Variants in PXDN observed in about 807,000 individuals in gnomAD.
The protein encoded by PXDN is peroxidasin homolog.
Under a neutral mutation model 140.3 loss-of-function variants are expected in PXDN, and 77 were observed. The observed-to-expected ratio is 0.55, with a 90% confidence interval of 0.46 to 0.66. PXDN has a LOEUF of 0.66. Ranked by LOEUF, PXDN falls within the 30% of genes least tolerant of loss-of-function variation. The probability of loss-of-function intolerance (pLI) is 0.00; values close to 1 mark genes in which losing one functional copy is unlikely to be tolerated. For synonymous variants in PXDN, 911 were observed against 857.4 expected, an observed-to-expected ratio of 1.06 and a Z score of -1.09; for missense variants, 1,838 against 2,039.5, an observed-to-expected ratio of 0.90 and a Z score of 1.90.
At position 1,651,499 on chromosome 2, in the gene PXDN, C is replaced by G. The variant is rs994358352; in HGVS notation, c.2105-1824G>C. 2.0e-5 allele frequency among the ~76,000 whole-genome samples: 3 copies of G among 152,246 alleles called. No individual in the cohort carries two copies. Among genetic ancestry groups the G allele is most frequent in the African/African-American group, 7.2e-5 (3 of 41,462 alleles). On this transcript the variant is annotated intron_variant, in intron 16 of 22. Transcript: ENST00000252804. The surrounding 1 kb of genome is among the most constrained non-coding windows in gnomAD (Gnocchi z 4.4). Reference sequence around the variant, plus strand: ...AACCCTAAGGTTCCCATTTCATACACAGCCAACGACATATCCTTATATTCG... The same window carrying G: ...AACCCTAAGGTTCCCATTTCATACAGAGCCAACGACATATCCTTATATTCG...
intron 1 of PXDN, among the ~76,000 whole-genome samples, chr2:1,742,841 G>A (rs1322775856): frequency 6.6e-6 from 1 of 152,216 alleles, no homozygotes; most frequent in Non-Finnish European, 1.5e-5. Context: ...GGGCCTCCAG[G>A]AAGCAGCCTG....
intron 1 of PXDN, among the ~76,000 whole-genome samples, chr2:1,743,637 G>A (rs1459390140): frequency 1.4e-5 from 2 of 140,986 alleles, no homozygotes; most frequent in Non-Finnish European, 3.1e-5. Flanking sequence ...GCTGGGGGAG[G>A]AGAAGGAAGG....
chr2:1,696,166 G>C (rs975369991), intron 1 of PXDN, among the ~76,000 whole-genome samples: 5 of 152,238 alleles, frequency 3.3e-5, no homozygotes, highest in African/African-American at 9.7e-5. Flanking sequence ...ACATGTACAA[G>C]TTTGGCATGC....
Position 1,680,308 on chromosome 2 carries a change from A to C in PXDN, c.615T>G (p.Asp205Glu). The stretch of plus-strand genomic sequence containing the variant: ...CCGACTCCGCGTAGGTTTTCAGCAA[A>C]TCCGCCAACCACAGGATTTCACAGT... ...HCDCEILWLA[D>E]LLKTYAESGN... is the part of the protein sequence containing the mutation. The change falls in exon 7 of 23, where the codon GAT becomes GAG. Residue 205 changes from aspartate to glutamate, a missense_variant. Asp to Glu is a conservative substitution (Grantham distance 45). Transcript: ENST00000252804. 1 of 1,614,034 alleles carries C rather than the reference A, an allele frequency of 6.2e-7. No homozygotes were observed. The highest frequency in any genetic ancestry group is 8.5e-7 in the Non-Finnish European group (1 of 1,179,900).
At chr2:1,740,141 G>A (rs187486368) in intron 1 of PXDN, among the ~76,000 whole-genome samples, 69 of 152,324 alleles carry the variant, frequency 4.5e-4, no homozygotes, top group African/African-American at 1.6e-3. Context: ...GGAACTTCCC[G>A]GGAGCAGGAG....
intron 1 of PXDN, among the ~76,000 whole-genome samples, chr2:1,737,131 C>T (rs1041797746): frequency 2.6e-5 from 4 of 152,170 alleles, no homozygotes; most frequent in East Asian, 1.9e-4. Context: ...CTGCTTTCCA[C>T]GGGCAGATGA....
intron 14 of PXDN, among the ~76,000 whole-genome samples, chr2:1,657,136 C>T (rs1683160274): frequency 6.7e-6 from 1 of 149,126 alleles, no homozygotes; most frequent in Non-Finnish European, 1.5e-5. Context: ...CAACTTACCC[C>T]TCCTGACTGG....
intron 6 of PXDN, among the ~76,000 whole-genome samples, chr2:1,680,653 G>A (rs1344615524): frequency 2.0e-5 from 3 of 152,204 alleles, no homozygotes; most frequent in Non-Finnish European, 4.4e-5. Flanking sequence ...CAGGCATCGG[G>A]TGTCGAGCTC....
At position 1,665,704 on chromosome 2, in the gene PXDN, C is replaced by T. The variant is rs115156245; in HGVS notation, c.1291+510G>A. The stretch of plus-strand genomic sequence containing the variant: ...TCTAATAATTTATCTTTTGCACTTC[C>T]GTATTGTTTGAATGTTTTCCAACAA... On this transcript the variant is annotated intron_variant, in intron 10 of 22. Transcript: ENST00000252804. 9.4e-3 allele frequency among the ~76,000 whole-genome samples: 1,427 copies of T among 152,282 alleles called. 25 individuals carry two copies. The highest frequency in any genetic ancestry group is 0.032 in the African/African-American group (1,330 of 41,560).
chr2:1,738,816 G>T (rs1053375373), intron 1 of PXDN, among the ~76,000 whole-genome samples: 1 of 152,242 alleles, frequency 6.6e-6, no homozygotes. Context: ...CAAAGTGCTG[G>T]GATTACAGCC....
Position 1,662,126 on chromosome 2 carries a change from C to T in PXDN, c.1626G>A (p.Val542=). ...SDTTVEVGAN[V]QLPCSSQGEP... ...CGCCCTGGGAGCTGCACGGGAGCTG[C>T]ACATTGGCGCCCACCTCCACTGTTG... The change falls in exon 13 of 23, where the codon GTG becomes GTA. Residue 542 remains valine, a synonymous_variant. Coordinates refer to ENST00000252804, the MANE Select transcript of PXDN (RefSeq NM_012293.3). The T allele has an allele frequency of 6.3e-7, 1 of 1,598,176 alleles. No individual in the cohort carries two copies. Among genetic ancestry groups the T allele is most frequent in the Non-Finnish European group, 8.5e-7 (1 of 1,172,732 alleles).
chr2:1,740,292 TGAG>T (rs1407289828), intron 1 of PXDN, among the ~76,000 whole-genome samples: 10 of 152,052 alleles, frequency 6.6e-5, no homozygotes, highest in Admixed American at 6.5e-4. Context: ...TATCTGCGTG[TGAG>T]GAGGAGAGGT....
intron 9 of PXDN, among the ~76,000 whole-genome samples, chr2:1,671,098 C>T (rs1385676211): frequency 6.6e-6 from 1 of 150,776 alleles, no homozygotes; most frequent in Non-Finnish European, 1.5e-5. Context: ...AAAAAAAAAA[C>T]AGAACCAAGC....
chr2:1,657,155 C>G (rs888857960), intron 14 of PXDN, among the ~76,000 whole-genome samples: 2 of 147,188 alleles, frequency 1.4e-5, no homozygotes, highest in African/African-American at 5.1e-5. Context: ...GGGGGGGGAC[C>G]TGCCTCCTAC....
At chr2:1,706,606 C>G (rs1684616678) in intron 1 of PXDN, among the ~76,000 whole-genome samples, 1 of 90,800 alleles carries the variant, frequency 1.1e-5, no homozygotes, top group Non-Finnish European at 2.1e-5. Context: ...CCAATCAGCT[C>G]TAAGCATCGC....
intron 1 of PXDN, among the ~76,000 whole-genome samples, chr2:1,693,375 T>C (rs574948702): frequency 6.6e-6 from 1 of 152,200 alleles, no homozygotes; most frequent in African/African-American, 2.4e-5. Flanking sequence ...GGGAGAAAAA[T>C]TACATAAACT....
At chr2:1,682,745 G>A (rs1683944148) in intron 6 of PXDN, among the ~76,000 whole-genome samples, 4 of 152,152 alleles carry the variant, frequency 2.6e-5, no homozygotes, top group African/African-American at 9.6e-5. Context: ...TTCAAGACCA[G>A]CCTGGCCAAC....
At chr2:1,735,286 C>A (rs1234778277) in intron 1 of PXDN, among the ~76,000 whole-genome samples, 1 of 152,158 alleles carries the variant, frequency 6.6e-6, no homozygotes, top group African/African-American at 2.4e-5. Context: ...CAAAAATGTT[C>A]TTAATGGTGT....
At chr2:1,726,346 C>T (rs1685183754) in intron 1 of PXDN, among the ~76,000 whole-genome samples, 1 of 146,918 alleles carries the variant, frequency 6.8e-6, no homozygotes, top group Admixed American at 7.1e-5. Flanking sequence ...CCAAACACCG[C>T]ATATTCTCAC....
Sources: allele counts gnomAD v4.1 joint callset (sites outside exome capture counted in the v4.1 genomes callset), GRCh38; gene constraint gnomAD v4.1.1; non-coding constraint Gnocchi (gnomAD v3.1); transcripts MANE v1.5; gene names NCBI Gene and HGNC (gene_info 2026-07-23, HGNC 2026-07-21).